HOOK3: variants seen among roughly 807,000 people sequenced by gnomAD.
The protein encoded by HOOK3 is hook microtubule tethering protein 3.
HOOK3 carries 24 observed loss-of-function variants against 116.3 expected under a neutral mutation model. The observed-to-expected ratio is 0.21, with a 90% CI of 0.15 to 0.29. The LOEUF (loss-of-function observed/expected upper bound fraction) is 0.29. HOOK3 is among the 10% of genes least tolerant of loss of function. HOOK3 has a pLI of 1.00. For missense variants in HOOK3, 632 were observed against 830.2 expected (o/e 0.76, Z 2.93); for synonymous variants, 275 against 283.0 (o/e 0.97, Z 0.28).
At position 42,983,327 on chromosome 8, in the gene HOOK3, C is replaced by CT. The variant is rs569440067; in HGVS notation, c.1391+632dup. On this transcript the variant is annotated intron_variant, in intron 14 of 21. Transcript: ENST00000307602. The stretch of plus-strand genomic sequence containing the variant: ...CCAGCCTGGGGGACAGAGTGAGACT[C>CT]TGTCTCAAAAAAAAAAAAAAAAAGG... 5.9e-4 allele frequency among the ~76,000 whole-genome samples: 82 copies of CT among 139,400 alleles called. 1 individual carries two copies. In the South Asian group the frequency reaches 0.019, roughly 32 times the overall value. 91.5% of individuals were successfully genotyped at this position (139,400 alleles called of 152,430 possible).
chr8:42,926,137 A>G (rs958245456), intron 3 of HOOK3, among the ~76,000 whole-genome samples: 1 of 152,206 alleles, frequency 6.6e-6, no homozygotes, highest in Admixed American at 6.5e-5. Flanking sequence ...TTACAATAAG[A>G]AAAAAAGTTT....
intron 1 of HOOK3, among the ~76,000 whole-genome samples, chr8:42,901,742 T>C (rs1807193809): frequency 6.6e-6 from 1 of 152,186 alleles, no homozygotes; most frequent in African/African-American, 2.4e-5. Flanking sequence ...GGTGGAGTCT[T>C]GCTCTGTTGC....
Position 42,897,022 on chromosome 8 carries a change from G to C in HOOK3, c.-110G>C. On this transcript the variant is annotated 5_prime_UTR_variant, in exon 1 of 22. Coordinates refer to ENST00000307602, the MANE Select transcript of HOOK3 (RefSeq NM_032410.4). ...GGCGAGAGTCGGCGGCCGGATCCGA[G>C]GAGCAGGCGGGCCTGAGGCCGAGTC... is the stretch of plus-strand genomic sequence containing the variant. 1.3e-6 allele frequency: 1 copy of C among 770,792 alleles called. No individual in the cohort carries two copies. Among genetic ancestry groups the C allele is most frequent in the Non-Finnish European group, 1.8e-6 (1 of 565,166 alleles). The allele number at this position is 770,792 out of a possible 1,614,324, so 47.7% of individuals were successfully genotyped here.
intron 4 of HOOK3, among the ~76,000 whole-genome samples, chr8:42,933,498 A>G (rs911897519): frequency 6.6e-6 from 1 of 152,248 alleles, no homozygotes; most frequent in South Asian, 2.1e-4. Flanking sequence ...TATTCACTCT[A>G]GGATAAACAA....
At chr8:42,962,261 C>CTTTTTTTT (rs559919675) in intron 8 of HOOK3, among the ~76,000 whole-genome samples, 1 of 117,814 alleles carries the variant, frequency 8.5e-6, no homozygotes. Context: ...ATTTTCATTT[C>CTTTTTTTT]TTTTTTTTTT....
intron 4 of HOOK3, among the ~76,000 whole-genome samples, chr8:42,940,519 C>G (rs532404075): frequency 3.2e-4 from 46 of 144,056 alleles, no homozygotes; most frequent in Non-Finnish European, 5.7e-4. Flanking sequence ...GGGACAGGGA[C>G]AGGGAGAGGG....
chr8:42,966,344 T>A (rs1471964166), intron 9 of HOOK3, 129 bp from the exon 10 acceptor site: 2 of 870,018 alleles, frequency 2.3e-6, no homozygotes, highest in Non-Finnish European at 3.4e-6. Context: ...ATGCAGCTTG[T>A]GGCCACTAAC....
intron 14 of HOOK3, among the ~76,000 whole-genome samples, chr8:42,986,284 C>T (rs909580605): frequency 1.3e-4 from 19 of 151,812 alleles, no homozygotes; most frequent in Non-Finnish European, 7.4e-5. Context: ...AGTATCTTGC[C>T]ACCAAATGAT....
At chr8:42,968,268 C>A in intron 11 of HOOK3, 54 bp downstream of exon 11, 1 of 1,245,226 alleles carries the variant, frequency 8.0e-7, no homozygotes, top group Non-Finnish European at 1.2e-6. Context: ...TCAGTTATGA[C>A]ATGTAGCTTA....
intron 4 of HOOK3, among the ~76,000 whole-genome samples, chr8:42,940,738 C>G (rs914322061): frequency 2.0e-5 from 3 of 152,032 alleles, no homozygotes; most frequent in Admixed American, 6.6e-5. Context: ...TGGGGTTGCT[C>G]TTCTTGAGGA....
At chr8:42,993,951 T>C (rs539831214) in intron 15 of HOOK3, among the ~76,000 whole-genome samples, 89 of 152,276 alleles carry the variant, frequency 5.8e-4, no homozygotes, top group South Asian at 5.4e-3. Flanking sequence ...GGTTTTTGTT[T>C]TGTTGCTCTT....
intron 17 of HOOK3, among the ~76,000 whole-genome samples, chr8:43,005,767 G>T (rs1349323009): frequency 6.6e-6 from 1 of 151,764 alleles, no homozygotes; most frequent in Non-Finnish European, 1.5e-5. Flanking sequence ...CATGATCTCG[G>T]CTCACTTCAA....
At chr8:42,989,634 A>G (rs2130456077) in intron 15 of HOOK3, among the ~76,000 whole-genome samples, 1 of 152,242 alleles carries the variant, frequency 6.6e-6, no homozygotes, top group South Asian at 2.1e-4. Context: ...AGTTATTTTT[A>G]AATGTACAAT....
chr8:43,030,385 T>C lies in HOOK3; in HGVS notation c.*11887T>C, dbSNP rs1428417580. ...GGTATTAATTATATGTATGTGTTTA[T>C]ATGTATGCATATAATATATGTATAT... On this transcript the variant is annotated 3_prime_UTR_variant, in exon 22 of 22. Transcript: ENST00000307602. The C allele has an allele frequency of 5.6e-6, 1 of 179,818 alleles. No homozygotes were observed. Among genetic ancestry groups the C allele is most frequent in the South Asian group, 2.0e-4 (1 of 5,058 alleles). The allele number at this position is 179,818 out of a possible 1,614,324, so 11.1% of individuals were successfully genotyped here. A position where few individuals can be genotyped will look rare whatever the true frequency, so the allele number is the denominator to read the frequency against.
chr8:42,935,063 T>G (rs1400371372), intron 4 of HOOK3, among the ~76,000 whole-genome samples: 3 of 152,154 alleles, frequency 2.0e-5, no homozygotes, highest in Non-Finnish European at 4.4e-5. Context: ...ATTGTTTCCT[T>G]ACTTTTTAAT....
chr8:42,977,936 C>T (rs534156550), intron 13 of HOOK3, among the ~76,000 whole-genome samples: 4 of 152,248 alleles, frequency 2.6e-5, no homozygotes, highest in African/African-American at 9.6e-5. Context: ...AGATTCACAA[C>T]TTTAAAAAGA....
Position 42,930,156 on chromosome 8 carries a change from T to G in HOOK3, c.251T>G (p.Leu84Trp). ...TTAAAGAAAATTTTAAAAGGAATCTTGGATTATAATCATGAGGTAAAGACT... is the reference window on the plus strand; with the variant it reads ...TTAAAGAAAATTTTAAAAGGAATCTGGGATTATAATCATGAGGTAAAGACT... ...SNLKKILKGI[L>W]DYNHEILGQQ... Residue 84 changes from leucine to tryptophan, a missense_variant, in exon 4 of 22, where the codon TTG becomes TGG. Transcript: ENST00000307602. The G allele has an allele frequency of 6.4e-7, 1 of 1,551,634 alleles. No homozygotes were observed. The highest frequency in any genetic ancestry group is 8.7e-7 in the Non-Finnish European group (1 of 1,146,218).
At chr8:42,996,707 A>G (rs1206719574) in intron 15 of HOOK3, among the ~76,000 whole-genome samples, 1 of 151,880 alleles carries the variant, frequency 6.6e-6, no homozygotes, top group Non-Finnish European at 1.5e-5. Flanking sequence ...TAACTCATAG[A>G]TGTTTTATTT....
In HOOK3 at chr8:42,986,691, G is replaced by A. The variant is rs1338448935; in HGVS notation, c.1428G>A (p.Met476Ile). The change falls in exon 15 of 22, where the codon ATG (methionine) becomes ATA (isoleucine). Residue 476 changes from methionine to isoleucine, a missense_variant. Met to Ile is a conservative substitution (Grantham distance 10). Around this residue, in one of 3 missense-constraint regions of HOOK3, gnomAD observed 483 missense variants for 648.1 expected, o/e 0.75. Transcript: ENST00000307602. ...TTCGTCTTCAGCATGAGAATAAGAT[G>A]TTAAAGCTTAACCAAGAAGGTTCGG... Reference protein sequence around the residue: ...KLIRLQHENKMLKLNQEGSDN... With the variant: ...KLIRLQHENKILKLNQEGSDN... 1.9e-6 allele frequency: 3 copies of A among 1,613,696 alleles called. No individual in the cohort carries two copies. The highest frequency in any genetic ancestry group is 2.5e-6 in the Non-Finnish European group (3 of 1,179,726).
Sources: allele counts gnomAD v4.1 joint callset (sites outside exome capture counted in the v4.1 genomes callset), GRCh38; gene constraint gnomAD v4.1.1; regional missense constraint gnomAD v4.1.1; transcripts MANE v1.5; gene names NCBI Gene and HGNC (gene_info 2026-07-23, HGNC 2026-07-21).